Variants in KCNQ5 observed in about 807,000 individuals in gnomAD.
KCNQ5 encodes the protein potassium voltage-gated channel subfamily Q member 5, also known as potassium voltage-gated channel subfamily KQT member 5.
Under a neutral mutation model 98.2 loss-of-function variants are expected in KCNQ5, and 30 were observed. The observed-to-expected ratio is 0.31, with a 90% CI of 0.23 to 0.41. The LOEUF (loss-of-function observed/expected upper bound fraction) is 0.41, where lower values mean the gene tolerates loss of function less well. Ranked by LOEUF, KCNQ5 falls within the 10% of genes least tolerant of loss-of-function variation. The probability of loss-of-function intolerance (pLI) is 1.00; values close to 1 mark genes in which losing one functional copy is unlikely to be tolerated. For missense variants in KCNQ5, 835 were observed against 1,182.5 expected, an observed-to-expected ratio of 0.71 and a Z score of 4.31; for synonymous variants, 458 against 449.4, an observed-to-expected ratio of 1.02 and a Z score of -0.24.
intron 1 of KCNQ5, among the ~76,000 whole-genome samples, chr6:72,787,073 A>G (rs146676593): frequency 1.3e-5 from 2 of 151,122 alleles, no homozygotes; most frequent in African/African-American, 4.9e-5. Flanking sequence ...ATGTCTGTGC[A>G]TTTGTATTAT....
At chr6:72,636,100 C>G (rs907205455) in intron 1 of KCNQ5, among the ~76,000 whole-genome samples, 2 of 151,994 alleles carry the variant, frequency 1.3e-5, no homozygotes, top group African/African-American at 4.8e-5. Flanking sequence ...TGGAAGTTGA[C>G]TACTTTGAAA....
At chr6:72,726,212 T>TAA (rs1561944403) in intron 1 of KCNQ5, among the ~76,000 whole-genome samples, 42 of 144,946 alleles carry the variant, frequency 2.9e-4, no homozygotes, top group African/African-American at 1.0e-3. Context: ...ATTTAAATTT[T>TAA]TTTTTTTTTT....
At chr6:73,169,603 C>G in intron 10 of KCNQ5, 143 bp from the exon 11 acceptor site, 1 of 623,324 alleles carries the variant, frequency 1.6e-6, no homozygotes, top group Middle Eastern at 2.5e-4. Context: ...ATAATATTGG[C>G]AAGACAATTG....
intron 1 of KCNQ5, among the ~76,000 whole-genome samples, chr6:72,883,943 A>G (rs1488292781): frequency 6.6e-6 from 1 of 152,238 alleles, no homozygotes; most frequent in Non-Finnish European, 1.5e-5. Context: ...TCATTAATAC[A>G]ATTAAATGCA....
chr6:72,973,533 A>G (rs1420688538), intron 1 of KCNQ5, among the ~76,000 whole-genome samples: 1 of 152,166 alleles, frequency 6.6e-6, no homozygotes, highest in Non-Finnish European at 1.5e-5. Flanking sequence ...GTGGCAAAAA[A>G]GAGATGCTCT....
At position 72,622,666 on chromosome 6, in the gene KCNQ5, G is replaced by A. The variant is rs2098915973; in HGVS notation, c.398+79G>A. ...CCCCTGGGGCGTGCTCCGCGCTCGC[G>A]CCCTTGGGCCCCCGCGCGCGTGCAC... On this transcript the variant is annotated intron_variant, in intron 1 of 13. Transcript: ENST00000370398. The surrounding 1 kb of genome is among the most constrained non-coding windows in gnomAD (Gnocchi z 6.0). 2 of 1,516,338 alleles carry A rather than the reference G, an allele frequency of 1.3e-6. No individual in the cohort carries two copies. The allele number at this position is 1,516,338 out of a possible 1,614,324, so 93.9% of individuals were successfully genotyped here. A position where few individuals can be genotyped will look rare whatever the true frequency, so the allele number is the denominator to read the frequency against.
chr6:72,708,803 A>G (rs1015912841), intron 1 of KCNQ5, among the ~76,000 whole-genome samples: 1 of 151,586 alleles, frequency 6.6e-6, no homozygotes, highest in African/African-American at 2.4e-5. Context: ...AAAGTGAGCC[A>G]CTGCACCCAG....
At chr6:72,684,348 G>A (rs1379121467) in intron 1 of KCNQ5, among the ~76,000 whole-genome samples, 2 of 152,144 alleles carry the variant, frequency 1.3e-5, no homozygotes, top group East Asian at 3.8e-4. Flanking sequence ...GCACATCCAT[G>A]TAGTAGAGTG....
chr6:72,729,747 T>C (rs897580995), intron 1 of KCNQ5, among the ~76,000 whole-genome samples: 1 of 150,326 alleles, frequency 6.7e-6, no homozygotes, highest in Non-Finnish European at 1.5e-5. Flanking sequence ...TTGCTTTTCC[T>C]TTTTAAGCAT....
At chr6:72,946,219 T>G (rs1766540757) in intron 1 of KCNQ5, among the ~76,000 whole-genome samples, 1 of 152,204 alleles carries the variant, frequency 6.6e-6, no homozygotes, top group Admixed American at 6.5e-5. Flanking sequence ...TGTGTTCCTA[T>G]AGTTCATCAA....
intron 1 of KCNQ5, among the ~76,000 whole-genome samples, chr6:72,835,714 A>T (rs1185609354): frequency 2.0e-5 from 3 of 152,136 alleles, no homozygotes; most frequent in Admixed American, 2.0e-4. Context: ...GTGTAGAGAG[A>T]TTAAGGAATT....
At chr6:73,106,021 G>T (rs1008599409) in intron 6 of KCNQ5, among the ~76,000 whole-genome samples, 5 of 152,064 alleles carry the variant, frequency 3.3e-5, no homozygotes, top group Non-Finnish European at 1.5e-5. Flanking sequence ...CCATTTCCAA[G>T]TTCTTGCTTT....
At chr6:72,737,881 C>T (rs531583726) in intron 1 of KCNQ5, among the ~76,000 whole-genome samples, 6 of 152,142 alleles carry the variant, frequency 3.9e-5, no homozygotes, top group African/African-American at 7.2e-5. Flanking sequence ...TGGGGCTGGG[C>T]GCAGTGGCTC....
rs182184529 is a variant in KCNQ5 at position 72,862,902 on chromosome 6, A to G, written c.399-141006A>G. ...CTCATCATCCCAAAGTGCAGGAATT[A>G]TAGGTACAAACCACTGCACCGGGCC... On this transcript the variant is annotated intron_variant, in intron 1 of 13. Coordinates refer to ENST00000370398, the MANE Select transcript of KCNQ5 (RefSeq NM_019842.4). Among the ~76,000 whole-genome samples the G allele has an allele frequency of 1.6e-3, 246 of 152,360 alleles. 4 individuals are homozygous for G. The highest frequency in any genetic ancestry group is 0.013 in the Admixed American group (193 of 15,300).
At chr6:73,104,350 A>G (rs1024473667) in intron 5 of KCNQ5, among the ~76,000 whole-genome samples, 11 of 152,222 alleles carry the variant, frequency 7.2e-5, no homozygotes, top group African/African-American at 2.4e-4. Flanking sequence ...TCCCATTTAC[A>G]GTAGCTACAA....
intron 1 of KCNQ5, among the ~76,000 whole-genome samples, chr6:72,866,468 T>G (rs950893503): frequency 2.6e-5 from 4 of 152,096 alleles, no homozygotes; most frequent in Non-Finnish European, 5.9e-5. Flanking sequence ...TTGCCCAGGC[T>G]GGTCTCAAAC....
intron 1 of KCNQ5, among the ~76,000 whole-genome samples, chr6:72,666,148 T>G (rs1465277042): frequency 6.6e-6 from 1 of 152,160 alleles, no homozygotes; most frequent in Non-Finnish European, 1.5e-5. Flanking sequence ...CTTAAAAGAT[T>G]TGAGGAGGTT....
chr6:72,938,507 G>A (rs568444055), intron 1 of KCNQ5, among the ~76,000 whole-genome samples: 1 of 152,122 alleles, frequency 6.6e-6, no homozygotes, highest in African/African-American at 2.4e-5. Flanking sequence ...AGCCTCCCAA[G>A]TAGCTGAGAC....
intron 1 of KCNQ5, among the ~76,000 whole-genome samples, chr6:72,998,904 T>C (rs759247770): frequency 1.3e-5 from 2 of 152,194 alleles, no homozygotes; most frequent in Non-Finnish European, 2.9e-5. Flanking sequence ...AAGCCTACTC[T>C]GTTGATTTGA....
Sources: allele counts gnomAD v4.1 joint callset (sites outside exome capture counted in the v4.1 genomes callset), GRCh38; gene constraint gnomAD v4.1.1; non-coding constraint Gnocchi (gnomAD v3.1); transcripts MANE v1.5; gene names NCBI Gene and HGNC (gene_info 2026-07-23, HGNC 2026-07-21).